The following WDR20 variants were observed in gnomAD, a reference collection of about 807,000 sequenced individuals.
WDR20 encodes WD repeat domain 20, also known as WD repeat-containing protein 20.
WDR20 carries 3 observed loss-of-function variants against 38.7 expected under a neutral mutation model. That is an observed-to-expected ratio of 0.08 (90% CI 0.04 to 0.20). WDR20 has a LOEUF of 0.20. Among genes scored for constraint, WDR20 ranks in the 10% least tolerant of loss-of-function variants. WDR20 has a pLI of 1.00. For missense variants in WDR20, 559 were observed against 727.7 expected (o/e 0.77, Z 2.67); for synonymous variants, 298 against 285.6 (o/e 1.04, Z -0.44).
rs114760927 is a variant in WDR20, at chr14:102,188,694, A to C, written c.250-6244A>C. 4.6e-3 allele frequency among the ~76,000 whole-genome samples: 686 copies of C among 150,516 alleles called. 6 individuals carry two copies. The highest frequency in any genetic ancestry group is 0.016 in the African/African-American group (635 of 40,924). On this transcript the variant is annotated intron_variant, in intron 1 of 2. Coordinates refer to ENST00000342702, the MANE Select transcript of WDR20 (RefSeq NM_144574.4). ...ACCAGCCTGGGCAACATGGCAAGACACTGTCTCTACAGAAAATTAAAAAAA... is the reference window on the plus strand; with the variant it reads ...ACCAGCCTGGGCAACATGGCAAGACCCTGTCTCTACAGAAAATTAAAAAAA...
chr14:102,208,826 G>A lies in WDR20; in HGVS notation c.656G>A (p.Gly219Asp). The A allele has an allele frequency of 6.8e-6, 11 of 1,614,188 alleles. No individual in the cohort carries two copies. The highest frequency in any genetic ancestry group is 9.3e-6 in the Non-Finnish European group (11 of 1,180,046). ...TRNPLLKWTV[G>D]EGALNEFAFS... Reference sequence around the variant, plus strand: ...AACCCTCTCCTTAAGTGGACGGTGGGCGAGGGGGCCCTCAACGAGTTTGCT... The same window carrying A: ...AACCCTCTCCTTAAGTGGACGGTGGACGAGGGGGCCCTCAACGAGTTTGCT... Residue 219 changes from glycine (G) to aspartate (D), a missense_variant, in exon 3 of 3, where the codon GGC (glycine) becomes GAC (aspartate). Coordinates refer to ENST00000342702, the MANE Select transcript of WDR20 (RefSeq NM_144574.4). The surrounding 1 kb of genome is among the most constrained non-coding windows in gnomAD (Gnocchi z 5.6).
chr14:102,219,050 G>A (rs907141599), downstream of WDR20, among the ~76,000 whole-genome samples: 8 of 152,302 alleles, frequency 5.3e-5, no homozygotes, highest in South Asian at 6.2e-4. Flanking sequence ...CCCTGTCACC[G>A]GGAGTTTGAC....
At chr14:102,181,195 T>C (rs901336596) in intron 1 of WDR20, among the ~76,000 whole-genome samples, 7 of 152,214 alleles carry the variant, frequency 4.6e-5, no homozygotes, top group African/African-American at 1.4e-4. Context: ...GGGTAAGTCT[T>C]CTGTAGTTCA....
chr14:102,179,928 G>A (rs1208182151), intron 1 of WDR20, among the ~76,000 whole-genome samples: 1 of 152,116 alleles, frequency 6.6e-6, no homozygotes, highest in African/African-American at 2.4e-5. Context: ...CGAGGCAGGC[G>A]GATCACTTGA....
chr14:102,148,486 G>A (rs2054464352), intron 1 of WDR20, among the ~76,000 whole-genome samples: 1 of 151,268 alleles, frequency 6.6e-6, no homozygotes, highest in Non-Finnish European at 1.5e-5. Flanking sequence ...GCTGCAGTGA[G>A]CGGAAATTGT....
chr14:102,188,174 C>T (rs1296040214), intron 1 of WDR20, among the ~76,000 whole-genome samples: 1 of 152,170 alleles, frequency 6.6e-6, no homozygotes, highest in Non-Finnish European at 1.5e-5. Context: ...AGATATTTTT[C>T]ATACCACATC....
Position 102,181,150 on chromosome 14 carries a change from A to AACTTTT in WDR20, c.250-13788_250-13787insACTTTT, listed in dbSNP as rs1291252341. Among the ~76,000 whole-genome samples the AACTTTT allele has an allele frequency of 2.4e-4, 36 of 152,200 alleles. 1 individual carries two copies. Among genetic ancestry groups the AACTTTT allele is most frequent in the Admixed American group, 2.4e-3 (36 of 15,298 alleles). On this transcript the variant is annotated intron_variant, in intron 1 of 2. Coordinates refer to ENST00000342702, the MANE Select transcript of WDR20 (RefSeq NM_144574.4). Reference sequence around the variant, plus strand: ...ATAACTTATGAACTTTAACCAGATGAGTGTCATTTGGTTTATCCTAAATTT... The same window carrying AACTTTT: ...ATAACTTATGAACTTTAACCAGATGAACTTTTGTGTCATTTGGTTTATCCTAAATTT...
At chr14:102,216,956 C>G (rs1054890052), downstream of WDR20, among the ~76,000 whole-genome samples, 2 of 152,158 alleles carry the variant, frequency 1.3e-5, no homozygotes, top group East Asian at 1.9e-4. Context: ...AGCCATTTCT[C>G]CATGTGTGGC....
intron 1 of WDR20, among the ~76,000 whole-genome samples, chr14:102,181,728 AG>A (rs1166639019): frequency 1.3e-5 from 2 of 152,126 alleles, no homozygotes; most frequent in African/African-American, 2.4e-5. Context: ...ACGTCATATG[AG>A]ACTGCAGTGC....
downstream of WDR20, among the ~76,000 whole-genome samples, chr14:102,216,437 A>G (rs1212837995): frequency 6.6e-6 from 1 of 152,160 alleles, no homozygotes; most frequent in Non-Finnish European, 1.5e-5. Flanking sequence ...GACCATAGGC[A>G]CACACCACCA....
At chr14:102,173,433 A>AATAATT (rs2061388984) in intron 1 of WDR20, among the ~76,000 whole-genome samples, 1 of 138,882 alleles carries the variant, frequency 7.2e-6, no homozygotes, top group Non-Finnish European at 1.5e-5. Context: ...CTTTTTTTAA[A>AATAATT]ATTATTATTA....
Position 102,222,978 on chromosome 14 carries a change from G to A in WDR20, c.*95G>A, listed in dbSNP as rs987545461. 2.6e-5 allele frequency: 40 copies of A among 1,509,660 alleles called. No individual in the cohort carries two copies. The highest frequency in any genetic ancestry group is 2.1e-4 in the Middle Eastern group (1 of 4,790). 93.5% of individuals were successfully genotyped at this position (1,509,660 alleles called of 1,614,324 possible). On this transcript the variant is annotated 3_prime_UTR_variant, in exon 4 of 4. Coordinates refer to the WDR20 transcript ENST00000335263. This position sits in a 1 kb window ranked among gnomAD's most constrained non-coding sequence, Gnocchi z 4.4. ...CTGCGCCTGAGCCGTGCCAGCCGGC[G>A]GACCTCAGGCGGTGGACGTCGGCGA...
intron 1 of WDR20, among the ~76,000 whole-genome samples, chr14:102,141,355 C>T (rs916899662): frequency 6.6e-6 from 1 of 152,216 alleles, no homozygotes; most frequent in Non-Finnish European, 1.5e-5. Flanking sequence ...AGGGAAATGA[C>T]AGTGGTATCT....
At chr14:102,223,248 A>G (rs76765172) in exon 4 of WDR20, 2,056 of 154,794 alleles carry the variant, frequency 0.013, 20 homozygotes, top group Non-Finnish European at 0.021. Context: ...CAGCTGTTAT[A>G]GTGCTTCACT....
rs544612805 is a variant in WDR20, at chr14:102,163,479, T to C, written c.249+23307T>C. On this transcript the variant is annotated intron_variant, in intron 1 of 2. Transcript: ENST00000342702. ...CGTGTCTCTACCAAAAATACAAAAA[T>C]TAGCCAGGCGTGGTGGCGTGTGCCT... Among the ~76,000 whole-genome samples, 11 of 151,830 alleles carry C rather than the reference T, an allele frequency of 7.2e-5. 1 individual carries two copies. The South Asian group carries it at 1.7e-3, about 23-fold the overall frequency.
chr14:102,214,058 G>C (rs541499781), downstream of WDR20: 1 of 985,588 alleles, frequency 1.0e-6, no homozygotes, highest in South Asian at 4.7e-5. Context: ...GGAGGGACTG[G>C]CCTCTGACTG....
chr14:102,144,689 A>G (rs766196868), intron 1 of WDR20, among the ~76,000 whole-genome samples: 5 of 149,006 alleles, frequency 3.4e-5, no homozygotes, highest in Non-Finnish European at 7.4e-5. Flanking sequence ...ACCCTATTAC[A>G]TGTTTTTTTG....
At chr14:102,173,064 A>G (rs2061296303) in intron 1 of WDR20, among the ~76,000 whole-genome samples, 1 of 150,740 alleles carries the variant, frequency 6.6e-6, no homozygotes, top group South Asian at 2.1e-4. Flanking sequence ...GCAGCCGGGA[A>G]GAGGCGCTCC....
chr14:102,171,833 T>C (rs191293581), intron 1 of WDR20, among the ~76,000 whole-genome samples: 43 of 151,988 alleles, frequency 2.8e-4, no homozygotes, highest in Non-Finnish European at 5.7e-4. Context: ...TTAAGGAATA[T>C]GTTTAGTACA....
Sources: gnomAD v4.1 joint callset for allele counts (sites outside exome capture counted in the v4.1 genomes callset) on GRCh38, gnomAD v4.1.1 for gene constraint, Gnocchi (gnomAD v3.1) non-coding constraint, MANE v1.5 for transcripts, NCBI Gene and HGNC (gene_info 2026-07-23, HGNC 2026-07-21) for gene names.